Variants in PTPRS observed in about 807,000 individuals in gnomAD.
The protein encoded by PTPRS is receptor-type tyrosine-protein phosphatase S.
In PTPRS, 63 loss-of-function variants were observed where a neutral mutation model predicts 215.3. That is an observed-to-expected ratio of 0.29 (90% confidence interval 0.24 to 0.36). PTPRS has a LOEUF of 0.36. Among genes scored for constraint, PTPRS ranks in the 10% least tolerant of loss-of-function variants. The pLI is 1.00. For synonymous variants in PTPRS, 1,404 were observed against 1,191.4 expected (o/e 1.18, Z -3.68); for missense variants, 2,258 against 2,825.8 (o/e 0.80, Z 4.56).
chr19:5,252,873 CAAAAA>C (rs769636796), intron 9 of PTPRS, among the ~76,000 whole-genome samples: 18 of 45,704 alleles, frequency 3.9e-4, no homozygotes, highest in African/African-American at 1.2e-3. Flanking sequence ...AACTCCATCT[CAAAAA>C]AAAAAAAAAA....
intron 13 of PTPRS, among the ~76,000 whole-genome samples, chr19:5,235,081 C>T (rs907948855): frequency 3.3e-5 from 5 of 151,948 alleles, no homozygotes; most frequent in African/African-American, 9.7e-5. Context: ...GCTGGGACTA[C>T]AGGCGCCCGC....
At chr19:5,292,837 G>A (rs1424992066) in intron 1 of PTPRS, 1 of 152,294 alleles carries the variant, frequency 6.6e-6, no homozygotes, top group East Asian at 1.9e-4. Context: ...TCCGCCCCCG[G>A]GAGGTGGGGG....
intron 1 of PTPRS, among the ~76,000 whole-genome samples, chr19:5,291,413 G>A (rs1367279187): frequency 6.6e-6 from 1 of 152,082 alleles, no homozygotes; most frequent in African/African-American, 2.4e-5. Flanking sequence ...CACATCCTCT[G>A]GGCGCCCAGG....
intron 1 of PTPRS, among the ~76,000 whole-genome samples, chr19:5,312,731 A>G (rs1000325896): frequency 6.6e-6 from 1 of 151,994 alleles, no homozygotes; most frequent in Non-Finnish European, 1.5e-5. Context: ...TAGGTCACAT[A>G]CTGCGTGCCA....
chr19:5,301,035 G>T (rs1410380345), intron 1 of PTPRS, among the ~76,000 whole-genome samples: 1 of 152,182 alleles, frequency 6.6e-6, no homozygotes, highest in Non-Finnish European at 1.5e-5. Context: ...AAGCCAGAAA[G>T]CAAAAGCCAC....
Position 5,305,037 on chromosome 19 carries a change from TCA to T in PTPRS, c.-94-18805_-94-18804del, listed in dbSNP as rs199583478. ...CCTCTCTAGGTGGCTCCCCAAGCTC[TCA>T]GGTCCTGGGTAGGAGAAGGTGGTCT... On this transcript the variant is annotated intron_variant, in intron 1 of 37. Transcript: ENST00000262963. Among the ~76,000 whole-genome samples, 1,073 of 152,028 alleles carry T rather than the reference TCA, an allele frequency of 7.1e-3. 6 individuals carry two copies. The highest frequency in any genetic ancestry group is 0.024 in the African/African-American group (1,004 of 41,434).
At chr19:5,278,930 C>G (rs1346581506) in intron 2 of PTPRS, among the ~76,000 whole-genome samples, 1 of 151,922 alleles carries the variant, frequency 6.6e-6, no homozygotes, top group Non-Finnish European at 1.5e-5. Context: ...GTGGCTCATA[C>G]CTGTAATCCC....
rs780275846 is a variant in PTPRS, at chr19:5,218,787, C to T, written c.3935G>A (p.Ser1312Asn). ...TCCACGGGGGAGGGCTGGTTCTTAC[C>T]TGTCGGGTTTGCTGTTCCCGAAAGC... ...AILLYKNKPD[S>N]KRKDSEPRTK... The change falls in exon 24 of 38, where the codon AGT becomes AAT. Residue 1312 changes from serine to asparagine, a missense_variant and splice_region_variant. Coordinates refer to ENST00000262963, the MANE Select transcript of PTPRS (RefSeq NM_002850.4). The T allele has an allele frequency of 2.5e-6, 4 of 1,608,192 alleles. No homozygotes were observed. Among genetic ancestry groups the T allele is most frequent in the Non-Finnish European group, 1.7e-6 (2 of 1,178,068 alleles).
Position 5,210,680 on chromosome 19 carries a change from C to T in PTPRS, c.5360G>A (p.Arg1787Gln). The T allele has an allele frequency of 4.3e-6, 7 of 1,614,140 alleles. No homozygotes were observed. The highest frequency in any genetic ancestry group is 5.9e-6 in the Non-Finnish European group (7 of 1,180,030). Residue 1787 changes from arginine (R) to glutamine (Q), a missense_variant and splice_region_variant, in exon 34 of 38, where the codon CGG becomes CAG. This residue lies in a region of PTPRS where 927 missense variants were observed against 1,125.9 expected (regional missense o/e 0.82). Coordinates refer to ENST00000262963, the MANE Select transcript of PTPRS (RefSeq NM_002850.4). The surrounding 1 kb of genome is among the most constrained non-coding windows in gnomAD (Gnocchi z 4.5). ...TCCCTGCTGTGGCCCCTAGCTCACC[C>T]GGCCCATCTCCCGCAGCTTGGTCAG... The part of the protein sequence containing the change: ...VMLTKLREMG[R>Q]EKCHQYWPAE...
At chr19:5,215,266 A>C (rs770825022) in intron 28 of PTPRS, 23 bp downstream of exon 28, 1 of 1,612,482 alleles carries the variant, frequency 6.2e-7, no homozygotes, top group Non-Finnish European at 8.5e-7. Context: ...AGGGCAGGTT[A>C]AGACCCGGGA....
At chr19:5,262,254 G>A (rs2146325512) in intron 6 of PTPRS, among the ~76,000 whole-genome samples, 1 of 152,280 alleles carries the variant, frequency 6.6e-6, no homozygotes, top group East Asian at 1.9e-4. Context: ...CAGCCTGGGT[G>A]ACAGATTAAG....
Position 5,216,986 on chromosome 19 carries a change from C to G in PTPRS, c.4049-219G>C, listed in dbSNP as rs1028080686. 2.6e-5 allele frequency among the ~76,000 whole-genome samples: 4 copies of G among 152,198 alleles called. No individual in the cohort carries two copies. In the East Asian group the frequency reaches 7.7e-4, roughly 29 times the overall value. ...ACACCAGTCAATCCTGGTCTTGACC[C>G]GTCACTCTGGAAGGACTCCAAAGTG... On this transcript the variant is annotated intron_variant, in intron 25 of 37. Transcript: ENST00000262963.
intron 1 of PTPRS, among the ~76,000 whole-genome samples, chr19:5,330,856 A>T (rs929007710): frequency 6.6e-6 from 1 of 152,072 alleles, no homozygotes; most frequent in East Asian, 1.9e-4. Flanking sequence ...CACCCTGCTG[A>T]TATCTGGGAG....
At chr19:5,241,180 C>T (rs2044013262) in intron 11 of PTPRS, among the ~76,000 whole-genome samples, 2 of 151,508 alleles carry the variant, frequency 1.3e-5, no homozygotes, top group African/African-American at 4.8e-5. Flanking sequence ...CGAACCACCA[C>T]ACCTGGCCTA....
chr19:5,234,232 C>G (rs1259349952), intron 13 of PTPRS, among the ~76,000 whole-genome samples: 1 of 152,160 alleles, frequency 6.6e-6, no homozygotes, highest in Non-Finnish European at 1.5e-5. Context: ...AAGCCCATCC[C>G]AAAAGCTTAC....
At chr19:5,324,673 C>T (rs1458989661) in intron 1 of PTPRS, among the ~76,000 whole-genome samples, 1 of 152,160 alleles carries the variant, frequency 6.6e-6, no homozygotes, top group Non-Finnish European at 1.5e-5. Context: ...GCTGTGTGAC[C>T]CTGCACAAGT....
chr19:5,262,051 T>C (rs2046038930), intron 6 of PTPRS, among the ~76,000 whole-genome samples: 1 of 152,108 alleles, frequency 6.6e-6, no homozygotes, highest in South Asian at 2.1e-4. Context: ...GGCAGGTGGA[T>C]CACCTGAGGT....
intron 17 of PTPRS, among the ~76,000 whole-genome samples, chr19:5,224,709 G>A (rs895940875): frequency 6.6e-6 from 1 of 152,156 alleles, no homozygotes; most frequent in African/African-American, 2.4e-5. Context: ...GTCCCTGAGA[G>A]AGGAGGGAAG....
intron 26 of PTPRS, 75 bp from the exon 27 acceptor site, chr19:5,215,670 C>G: frequency 1.9e-6 from 2 of 1,060,710 alleles, no homozygotes; most frequent in South Asian, 3.0e-5. Flanking sequence ...GGGGGGTGAT[C>G]TACGTGTGAG....
Sources: gnomAD v4.1 joint callset for allele counts (sites outside exome capture counted in the v4.1 genomes callset) on GRCh38, gnomAD v4.1.1 for gene constraint, gnomAD v4.1.1 regional missense constraint, Gnocchi (gnomAD v3.1) non-coding constraint, MANE v1.5 for transcripts, NCBI Gene and HGNC (gene_info 2026-07-23, HGNC 2026-07-21) for gene names.